Variants in HJURP observed in about 807,000 individuals in gnomAD.
HJURP encodes Holliday junction recognition protein, also known as 14-3-3-associated AKT substrate.
A neutral mutation model predicts 72.0 loss-of-function variants in HJURP; 49 were observed. That is an observed-to-expected ratio of 0.68 (90% CI 0.54 to 0.86). The LOEUF (loss-of-function observed/expected upper bound fraction) is 0.86. Among genes scored for constraint, HJURP ranks in the 40% least tolerant of loss-of-function variants. The pLI, the probability that HJURP is intolerant of heterozygous loss-of-function variation, is 0.00. For missense variants in HJURP, 908 were observed against 936.3 expected (o/e 0.97, Z 0.39); for synonymous variants, 357 against 347.1 (o/e 1.03, Z -0.32).
intron 1 of HJURP, 25 bp from the exon 2 acceptor site, chr2:233,853,935 G>A: frequency 1.9e-6 from 3 of 1,610,264 alleles, no homozygotes; most frequent in Non-Finnish European, 2.5e-6. Context: ...GGGGCTTCCT[G>A]TCAGGTTCCA....
At chr2:233,844,521 C>T (rs1195475465) in intron 6 of HJURP, among the ~76,000 whole-genome samples, 1 of 152,196 alleles carries the variant, frequency 6.6e-6, no homozygotes, top group African/African-American at 2.4e-5. Flanking sequence ...TCACCACTCA[C>T]CTGCCAGTAA....
rs546702155 is a variant in HJURP, at chr2:233,847,603, T to G, written c.338-142A>C. 124 of 708,836 alleles carry G rather than the reference T, an allele frequency of 1.7e-4. No homozygotes were observed. In the East Asian group the frequency reaches 3.2e-3, roughly 18 times the overall value. The allele number at this position is 708,836 out of a possible 1,614,324, so 43.9% of individuals were successfully genotyped here. On this transcript the variant is annotated intron_variant, in intron 4 of 8. Coordinates refer to ENST00000411486, the MANE Select transcript of HJURP (RefSeq NM_018410.5). ...CAAGGGTGCACCCACTGGAGCCATC[T>G]ACGGCTGCCCGTGGTTCTTAGTAAC...
chr2:233,843,518 G>T (rs114633161), intron 7 of HJURP, among the ~76,000 whole-genome samples: 3 of 152,090 alleles, frequency 2.0e-5, no homozygotes, highest in African/African-American at 7.2e-5. Context: ...AAGCAATCAG[G>T]TCCAAATTCA....
Position 233,837,526 on chromosome 2 carries a change from A to C in HJURP, c.*51T>G. On this transcript the variant is annotated 3_prime_UTR_variant, in exon 9 of 9. Coordinates refer to ENST00000411486, the MANE Select transcript of HJURP (RefSeq NM_018410.5). ...CTCAAGAATCAAAAACAAAACAAAA[A>C]TACAAACAGAGAGCAAGTGGGAAGA... is the stretch of plus-strand genomic sequence containing the variant. 8 of 1,291,818 alleles carry C rather than the reference A, an allele frequency of 6.2e-6. No homozygotes were observed. The South Asian group carries it at 9.7e-5, about 16-fold the overall frequency. 80.0% of individuals were successfully genotyped at this position (1,291,818 alleles called of 1,614,324 possible).
chr2:233,845,717 A>T lies in HJURP; in HGVS notation c.495+11T>A, dbSNP rs1009308682. ...AATTATATAAAAACAAACAACTGGG[A>T]AACAGATTACCTCAAAATACTCTGC... On this transcript the variant is annotated intron_variant, in intron 6 of 8. Coordinates refer to ENST00000411486, the MANE Select transcript of HJURP (RefSeq NM_018410.5). The T allele has an allele frequency of 1.3e-6, 2 of 1,538,232 alleles. No individual in the cohort carries two copies. Among genetic ancestry groups the T allele is most frequent in the African/African-American group, 2.7e-5 (2 of 72,954 alleles).
chr2:233,852,602 C>T lies in HJURP; in HGVS notation c.203G>A (p.Gly68Glu), dbSNP rs1157697062. Reference sequence around the variant, plus strand: ...TTCGTTTCTTTCCTTTATTAGTCTTCCACCCCAAATTCTCAATCCTGAAGA... The same window carrying T: ...TTCGTTTCTTTCCTTTATTAGTCTTTCACCCCAAATTCTCAATCCTGAAGA... ...ETPQGLRIWG[G>E]RLIKERNEGE... Residue 68 changes from glycine (G) to glutamate (E), a missense_variant, in exon 3 of 9, where the codon GGA becomes GAA. Physicochemically the swap from Gly to Glu is moderately conservative, Grantham distance 98. This residue lies in a region of HJURP where 299 missense variants were observed against 286.7 expected (regional missense o/e 1.04). Coordinates refer to ENST00000411486, the MANE Select transcript of HJURP (RefSeq NM_018410.5). The T allele has an allele frequency of 6.2e-7, 1 of 1,605,278 alleles. No homozygotes were observed. The highest frequency in any genetic ancestry group is 2.2e-5 in the East Asian group (1 of 44,858).
intron 8 of HJURP, 61 bp from the exon 9 acceptor site, chr2:233,837,713 G>T: frequency 9.5e-7 from 1 of 1,048,640 alleles, no homozygotes; most frequent in Non-Finnish European, 1.4e-6. Flanking sequence ...CCCAATGCCA[G>T]CCACTAAAAG....
At chr2:233,843,245 G>C (rs933365970) in intron 7 of HJURP, among the ~76,000 whole-genome samples, 7 of 152,122 alleles carry the variant, frequency 4.6e-5, no homozygotes, top group African/African-American at 1.7e-4. Context: ...CCACCCAGGC[G>C]ATCCGCATTG....
In HJURP at chr2:233,842,126, C is replaced by A. The variant is rs766327819; in HGVS notation, c.654G>T (p.Leu218Phe). The change falls in exon 8 of 9, where the codon TTG (leucine) becomes TTT (phenylalanine). Residue 218 changes from leucine (L) to phenylalanine (F), a missense_variant. Leu to Phe is a conservative substitution (Grantham distance 22). Coordinates refer to ENST00000411486, the MANE Select transcript of HJURP (RefSeq NM_018410.5). Reference protein sequence around the residue: ...PASSPREWDPLHPSSTDMALV... With the variant: ...PASSPREWDPFHPSSTDMALV... ...AGGCCATGTCTGTGGAGGAAGGATG[C>A]AAAGGATCCCATTCTCTGGGAGATG... is the stretch of plus-strand genomic sequence containing the variant. The A allele has an allele frequency of 1.2e-6, 2 of 1,613,942 alleles. No homozygotes were observed. The highest frequency in any genetic ancestry group is 2.7e-5 in the African/African-American group (2 of 74,896).
intron 1 of HJURP, among the ~76,000 whole-genome samples, 182 bp downstream of exon 1, chr2:233,854,202 C>A (rs1272497992): frequency 2.0e-5 from 3 of 152,006 alleles, no homozygotes; most frequent in African/African-American, 7.2e-5. Context: ...GCGCTGCCTC[C>A]TTTTTCCCTC....
chr2:233,854,038 A>C (rs946857907), intron 1 of HJURP, 128 bp from the exon 2 acceptor site: 2 of 754,692 alleles, frequency 2.7e-6, no homozygotes, highest in Non-Finnish European at 4.4e-6. Context: ...CGGTCTCTGC[A>C]GCGGAGCCCC....
At position 233,841,479 on chromosome 2, in the gene HJURP, A is replaced by G. The variant is rs1339567746; in HGVS notation, c.1301T>C (p.Ile434Thr). ...ATGAAGCTGATCAAATCGGATTTCA[A>G]TCTCCCTCTGACGGTTCTCTCCATG... ...QGHGENRQRE[I>T]EIRFDQLHRE... The change falls in exon 8 of 9, where the codon ATT (isoleucine) becomes ACT (threonine). Residue 434 changes from isoleucine to threonine, a missense_variant. Physicochemically the swap from Ile to Thr is moderately conservative, Grantham distance 89. This residue lies in a region of HJURP where 598 missense variants were observed against 619.5 expected (regional missense o/e 0.97). Coordinates refer to ENST00000411486, the MANE Select transcript of HJURP (RefSeq NM_018410.5). 1.9e-5 allele frequency: 30 copies of G among 1,614,012 alleles called. No homozygotes were observed. In the East Asian group the frequency reaches 5.8e-4, roughly 31 times the overall value.
intron 8 of HJURP, 86 bp from the exon 9 acceptor site, chr2:233,837,738 A>G: frequency 1.2e-6 from 1 of 821,638 alleles, no homozygotes; most frequent in Non-Finnish European, 2.0e-6. Context: ...ACTGTTTTCT[A>G]CTTATTCCAT....
In HJURP at chr2:233,840,981, G is replaced by C. The variant is rs756031895; in HGVS notation, c.1799C>G (p.Thr600Arg). 1.2e-6 allele frequency: 2 copies of C among 1,614,156 alleles called. No individual in the cohort carries two copies. Among genetic ancestry groups the C allele is most frequent in the South Asian group, 2.2e-5 (2 of 91,082 alleles). The change falls in exon 8 of 9, where the codon ACA becomes AGA. Residue 600 changes from threonine (T) to arginine (R), a missense_variant. Thr to Arg is a moderately conservative substitution (Grantham distance 71, BLOSUM62 -1). Coordinates refer to ENST00000411486, the MANE Select transcript of HJURP (RefSeq NM_018410.5). Reference protein sequence around the residue: ...KYCLKSPGQMTVPLCIGVSTD... With the variant: ...KYCLKSPGQMRVPLCIGVSTD... ...AGACACTCCAATACATAAAGGCACT[G>C]TCATCTGCCCAGGAGATTTGAGGCA...
intron 4 of HJURP, among the ~76,000 whole-genome samples, chr2:233,848,470 A>G (rs1705421051): frequency 6.6e-6 from 1 of 152,122 alleles, no homozygotes; most frequent in African/African-American, 2.4e-5. Flanking sequence ...AGTGGGGCGG[A>G]GGGAGCCCGG....
At chr2:233,838,358 C>T (rs1490188689) in intron 8 of HJURP, among the ~76,000 whole-genome samples, 5 of 152,178 alleles carry the variant, frequency 3.3e-5, no homozygotes, top group East Asian at 1.9e-4. Context: ...CCATTCTCTA[C>T]AAGGCCGAGG....
At chr2:233,847,165 T>C (rs111786081) in intron 5 of HJURP, among the ~76,000 whole-genome samples, 1 of 152,282 alleles carries the variant, frequency 6.6e-6, no homozygotes, top group African/African-American at 2.4e-5. Flanking sequence ...TGAATCAGGC[T>C]TGCACTGGGG....
intron 6 of HJURP, among the ~76,000 whole-genome samples, chr2:233,844,928 G>T (rs1445880948): frequency 1.3e-5 from 2 of 152,132 alleles, no homozygotes; most frequent in African/African-American, 4.8e-5. Context: ...TAAGAGAGGG[G>T]TTGGCAGGTG....
intron 8 of HJURP, among the ~76,000 whole-genome samples, chr2:233,839,983 A>C (rs1705179471): frequency 6.6e-6 from 1 of 151,858 alleles, no homozygotes; most frequent in Non-Finnish European, 1.5e-5. Context: ...AAAGGTACTC[A>C]CTCCCACTGA....
Sources: gnomAD v4.1 joint callset for allele counts (sites outside exome capture counted in the v4.1 genomes callset) on GRCh38, gnomAD v4.1.1 for gene constraint, gnomAD v4.1.1 regional missense constraint, MANE v1.5 for transcripts, NCBI Gene and HGNC (gene_info 2026-07-23, HGNC 2026-07-21) for gene names.